ZNF587B: variants seen among roughly 807,000 people sequenced by gnomAD.
ZNF587B encodes the protein zinc finger protein 587B.
A neutral mutation model predicts 7.2 loss-of-function variants in ZNF587B; 6 were observed. The observed-to-expected ratio is 0.83, with a 90% CI of 0.46 to 1.65. The LOEUF is 1.65. Ranked by LOEUF, ZNF587B falls within the 40% of genes most tolerant of loss-of-function variation. The pLI, the probability that ZNF587B is intolerant of heterozygous loss-of-function variation, is 0.01. For synonymous variants in ZNF587B, 274 were observed against 254.3 expected, an observed-to-expected ratio of 1.08 and a Z score of -0.74; for missense variants, 749 against 761.0, an observed-to-expected ratio of 0.98 and a Z score of 0.19.
At chr19:57,840,075 C>CAAAAAAAAAAAAAAAAAAA (rs774635301) in intron 2 of ZNF587B, among the ~76,000 whole-genome samples, 3 of 81,110 alleles carry the variant, frequency 3.7e-5, no homozygotes, top group African/African-American at 1.3e-4. Context: ...ACTCTGTCTC[C>CAAAAAAAAAAAAAAAAAAA]AAAAAAAAAA....
rs1344016754 is a variant in ZNF587B, at chr19:57,839,014, T to G, written c.37-9T>G. ...TGGTTTGTGGTTTCATCTGTCAACA[T>G]CATAACAGGGCACAGTGACTTTTGA... On this transcript the variant is annotated splice_polypyrimidine_tract_variant and intron_variant, in intron 1 of 2. Transcript: ENST00000594901. 1 of 1,613,544 alleles carries G rather than the reference T, an allele frequency of 6.2e-7. No homozygotes were observed.
chr19:57,837,296 GC>G (rs1363980884), intron 1 of ZNF587B, among the ~76,000 whole-genome samples: 1 of 150,062 alleles, frequency 6.7e-6, no homozygotes, highest in African/African-American at 2.5e-5. Flanking sequence ...TGCTTTTGTT[GC>G]CCAGGCTGGA....
At chr19:57,838,781 C>A (rs149756533) in intron 1 of ZNF587B, among the ~76,000 whole-genome samples, 1 of 152,060 alleles carries the variant, frequency 6.6e-6, no homozygotes, top group Non-Finnish European at 1.5e-5. Context: ...CCCATGACCT[C>A]GGCCATACTA....
chr19:57,830,446 T>A lies in ZNF587B; in HGVS notation c.-83T>A. On this transcript the variant is annotated 5_prime_UTR_variant, in exon 1 of 3. Coordinates refer to ENST00000594901, the MANE Select transcript of ZNF587B (RefSeq NM_001376223.1). ...GACGGCGCCAAGCGTGACCCACCCC[T>A]GGGCCAGGATAGGGACCGTCATGCC... 6.7e-7 allele frequency: 1 copy of A among 1,486,552 alleles called. No homozygotes were observed. The highest frequency in any genetic ancestry group is 9.1e-7 in the Non-Finnish European group (1 of 1,096,366). The allele number at this position is 1,486,552 out of a possible 1,614,324, so 92.1% of individuals were successfully genotyped here. A position where few individuals can be genotyped will look rare whatever the true frequency, so the allele number is the denominator to read the frequency against.
At chr19:57,830,703 G>C in intron 1 of ZNF587B, 139 bp downstream of exon 1, 2 of 928,050 alleles carry the variant, frequency 2.2e-6, no homozygotes, top group South Asian at 3.1e-5. Context: ...TGTCAGGACA[G>C]CCCTTTTGAG....
chr19:57,839,920 T>C (rs900119298), intron 2 of ZNF587B, among the ~76,000 whole-genome samples: 2 of 151,158 alleles, frequency 1.3e-5, no homozygotes, highest in East Asian at 1.9e-4. Flanking sequence ...CTCTACTAAA[T>C]ATAAAAAAAT....
In ZNF587B at chr19:57,844,169, A is replaced by G. The variant is rs181429311; in HGVS notation, c.*1593A>G. On this transcript the variant is annotated 3_prime_UTR_variant, in exon 3 of 3. Transcript: ENST00000594901. ...ATAAGTTACACCATGGACCTTCCCC[A>G]TTTTTGTCCCAGAGGACTCTTGTGC... 52 of 378,456 alleles carry G rather than the reference A, an allele frequency of 1.4e-4. No homozygotes were observed. In the East Asian group the frequency reaches 4.9e-3, roughly 36 times the overall value. 23.4% of individuals were successfully genotyped at this position (378,456 alleles called of 1,614,324 possible).
At position 57,843,275 on chromosome 19, in the gene ZNF587B, A is replaced by G; in HGVS notation, c.*699A>G. ...CCAAAGTGCTGAGATTGTAGGTTTGAGTCACTGTGCTCAGCCAATTATGTT... is the reference window on the plus strand; with the variant it reads ...CCAAAGTGCTGAGATTGTAGGTTTGGGTCACTGTGCTCAGCCAATTATGTT... On this transcript the variant is annotated 3_prime_UTR_variant, in exon 3 of 3. Transcript: ENST00000594901. The G allele has an allele frequency of 1.0e-6, 1 of 984,932 alleles. No individual in the cohort carries two copies. The highest frequency in any genetic ancestry group is 1.2e-6 in the Non-Finnish European group (1 of 829,544). The allele number at this position is 984,932 out of a possible 1,614,324, so 61.0% of individuals were successfully genotyped here.
chr19:57,837,535 G>A (rs1988667289), intron 1 of ZNF587B, among the ~76,000 whole-genome samples: 1 of 151,072 alleles, frequency 6.6e-6, no homozygotes, highest in East Asian at 2.0e-4. Flanking sequence ...TGCAAGCTCC[G>A]CCTCCCAGGT....
At chr19:57,838,556 G>T (rs1988718017) in intron 1 of ZNF587B, among the ~76,000 whole-genome samples, 1 of 152,182 alleles carries the variant, frequency 6.6e-6, no homozygotes, top group Non-Finnish European at 1.5e-5. Context: ...AGCCGAGATT[G>T]TGCCACTGCA....
Position 57,841,029 on chromosome 19 carries a change from C to T in ZNF587B, c.355C>T (p.Leu119=). The T allele has an allele frequency of 1.2e-6, 2 of 1,610,768 alleles. No individual in the cohort carries two copies. ...DHQGTHHKQK[L]HRCEAWGNKL... ...TCAGGGAACACATCACAAGCAGAAA[C>T]TGCACAGGTGTGAGGCCTGGGGGAA... Residue 119 remains leucine, a synonymous_variant, in exon 3 of 3, where the codon CTG becomes TTG. Coordinates refer to ENST00000594901, the MANE Select transcript of ZNF587B (RefSeq NM_001376223.1).
In ZNF587B at chr19:57,844,544, T is replaced by C. The variant is rs1989002013; in HGVS notation, c.*1968T>C. 1 of 170,284 alleles carries C rather than the reference T, an allele frequency of 5.9e-6. No individual in the cohort carries two copies. Among genetic ancestry groups the C allele is most frequent in the South Asian group, 1.0e-4 (1 of 9,778 alleles). The allele number at this position is 170,284 out of a possible 1,614,324, so 10.5% of individuals were successfully genotyped here. A position where few individuals can be genotyped will look rare whatever the true frequency, so the allele number is the denominator to read the frequency against. On this transcript the variant is annotated 3_prime_UTR_variant, in exon 3 of 3. Transcript: ENST00000594901. ...CCCAAGGGACAGCATGAATGCAGAA[T>C]ATAGCTTTCTTCACTTGTGGCCTAT...
In ZNF587B at chr19:57,842,094, T is replaced by C. The variant is rs1988882882; in HGVS notation, c.1420T>C (p.Leu474=). 1 of 1,597,846 alleles carries C rather than the reference T, an allele frequency of 6.3e-7. No individual in the cohort carries two copies. The highest frequency in any genetic ancestry group is 1.3e-5 in the African/African-American group (1 of 74,358). ...RPYMCWECGK[L]FKKKSHLLVH... is the part of the protein sequence containing the mutation. ...TTATATGTGTTGGGAATGTGGAAAA[T>C]TATTTAAGAAGAAGTCTCACCTCCT... Residue 474 remains leucine (L), a synonymous_variant, in exon 3 of 3, where the codon TTA becomes CTA. Coordinates refer to ENST00000594901, the MANE Select transcript of ZNF587B (RefSeq NM_001376223.1).
chr19:57,838,357 C>T (rs1988710361), intron 1 of ZNF587B, among the ~76,000 whole-genome samples: 1 of 151,814 alleles, frequency 6.6e-6, no homozygotes, highest in Non-Finnish European at 1.5e-5. Context: ...AATCCCAGTA[C>T]TTTGGGAGGC....
At position 57,841,482 on chromosome 19, in the gene ZNF587B, T is replaced by C. The variant is rs148157724; in HGVS notation, c.808T>C (p.Tyr270His). ...HQRVHSGKRP[Y>H]ECGECEKSFS... ...GAGAGTTCACAGTGGAAAAAGACCT[T>C]ATGAATGTGGAGAATGTGAGAAATC... Residue 270 changes from tyrosine (Y) to histidine (H), a missense_variant, in exon 3 of 3, where the codon TAT becomes CAT. Around this residue, in one of 3 missense-constraint regions of ZNF587B, gnomAD observed 656 missense variants for 596.5 expected, o/e 1.10. Transcript: ENST00000594901. 8.6e-5 allele frequency: 136 copies of C among 1,586,050 alleles called. 1 individual carries two copies. In the African/African-American group the frequency reaches 1.7e-3, roughly 20 times the overall value.
rs1228238485 is a variant in ZNF587B at position 57,844,069 on chromosome 19, T to A, written c.*1493T>A. Among the ~76,000 whole-genome samples, 1 of 152,204 alleles carries A rather than the reference T, an allele frequency of 6.6e-6. No homozygotes were observed. The highest frequency in any genetic ancestry group is 1.5e-5 in the Non-Finnish European group (1 of 68,036). ...TGCTGGGACTTTTTTATTTCTTTAA[T>A]TTTTAATTCCAGATCTGGTCACAGA... On this transcript the variant is annotated 3_prime_UTR_variant, in exon 3 of 3. Transcript: ENST00000594901.
Position 57,841,863 on chromosome 19 carries a change from C to G in ZNF587B, c.1189C>G (p.Leu397Val), listed in dbSNP as rs1212755564. ...GAAATCTTATATTTCAAAGGGGCAC[C>G]TTAGGATCCATCAGCGCATGCACAC... ...CGKSYISKGH[L>V]RIHQRMHTGE... The change falls in exon 3 of 3, where the codon CTT (leucine) becomes GTT (valine). Residue 397 changes from leucine to valine, a missense_variant. By Grantham distance (32) the Leu-to-Val change is conservative. Transcript: ENST00000594901. The G allele has an allele frequency of 1.2e-6, 2 of 1,613,262 alleles. No homozygotes were observed. Among genetic ancestry groups the G allele is most frequent in the African/African-American group, 1.3e-5 (1 of 74,852 alleles).
At position 57,843,552 on chromosome 19, in the gene ZNF587B, TAA is replaced by T; in HGVS notation, c.*977_*978del. ...TCCCATTCACGAGAGATTTTTTTTT[TAA>T]GTTTTTTGTTTGGTTGGTTGGTTGG... On this transcript the variant is annotated 3_prime_UTR_variant, in exon 3 of 3. Transcript: ENST00000594901. 2 of 983,678 alleles carry T rather than the reference TAA, an allele frequency of 2.0e-6. No individual in the cohort carries two copies. The highest frequency in any genetic ancestry group is 2.4e-6 in the Non-Finnish European group (2 of 829,334). The allele number at this position is 983,678 out of a possible 1,614,324, so 60.9% of individuals were successfully genotyped here. A position where few individuals can be genotyped will look rare whatever the true frequency, so the allele number is the denominator to read the frequency against.
At chr19:57,832,002 G>C (rs1988424780) in intron 1 of ZNF587B, among the ~76,000 whole-genome samples, 1 of 152,056 alleles carries the variant, frequency 6.6e-6, no homozygotes, top group Non-Finnish European at 1.5e-5. Context: ...CACCGTGCCT[G>C]GCTGTCTTTA....
Sources: allele counts gnomAD v4.1 joint callset (sites outside exome capture counted in the v4.1 genomes callset), GRCh38; gene constraint gnomAD v4.1.1; regional missense constraint gnomAD v4.1.1; transcripts MANE v1.5; gene names NCBI Gene and HGNC (gene_info 2026-07-23, HGNC 2026-07-21).